MON2: variants seen among roughly 807,000 people sequenced by gnomAD.
The protein encoded by MON2 is protein MON2 homolog.
MON2 carries 84 observed loss-of-function variants against 208.6 expected under a neutral mutation model. The ratio of observed to expected loss-of-function variants is 0.40; its 90% confidence interval spans 0.34 to 0.48. The LOEUF (loss-of-function observed/expected upper bound fraction) is 0.48. MON2 is among the 20% of genes least tolerant of loss of function. MON2 has a pLI of 0.59. For missense variants in MON2, 1,611 were observed against 2,015.4 expected (o/e 0.80, Z 3.84); for synonymous variants, 660 against 694.0 (o/e 0.95, Z 0.77).
rs140297906 is a variant in MON2, at chr12:62,542,254, A to G, written c.2365-843A>G. ...CTGCTAGAAAGGAAGATATTATCAC[A>G]CATTTCCCTGTTAGATTTTTATTAG... is the stretch of plus-strand genomic sequence containing the variant. On this transcript the variant is annotated intron_variant, in intron 19 of 34. Coordinates refer to ENST00000393630, the MANE Select transcript of MON2 (RefSeq NM_015026.3). Among the ~76,000 whole-genome samples the G allele has an allele frequency of 3.8e-3, 578 of 152,344 alleles. 9 individuals carry two copies. The highest frequency in any genetic ancestry group is 0.013 in the African/African-American group (547 of 41,576).
chr12:62,478,485 A>G (rs2069215708), intron 1 of MON2, among the ~76,000 whole-genome samples: 1 of 152,204 alleles, frequency 6.6e-6, no homozygotes, highest in Admixed American at 6.5e-5. Context: ...CTGCACCATA[A>G]GTCTATAGCT....
rs988568452 is a variant in MON2 at position 62,594,094 on chromosome 12, G to C, written c.*1345G>C. The C allele has an allele frequency of 6.6e-6, 1 of 151,888 alleles. No individual in the cohort carries two copies. The highest frequency in any genetic ancestry group is 1.9e-4 in the East Asian group (1 of 5,198). The allele number at this position is 151,888 out of a possible 1,614,324, so 9.4% of individuals were successfully genotyped here. A position where few individuals can be genotyped will look rare whatever the true frequency, so the allele number is the denominator to read the frequency against. On this transcript the variant is annotated 3_prime_UTR_variant, in exon 35 of 35. Coordinates refer to ENST00000393630, the MANE Select transcript of MON2 (RefSeq NM_015026.3). ...ATGGATTACAGTATTTTTCTTCTGA[G>C]TTAAATTTTCATAATTTATGTGAAG...
In MON2 at chr12:62,598,861, T is replaced by C. The variant is rs1489294703; in HGVS notation, c.*6112T>C. On this transcript the variant is annotated 3_prime_UTR_variant, in exon 35 of 35. Transcript: ENST00000393630. Reference sequence around the variant, plus strand: ...GATTGTACAGATTGTTTATTTGTTTTACAGCTAACATTAAGCATGATTCCA... The same window carrying C: ...GATTGTACAGATTGTTTATTTGTTTCACAGCTAACATTAAGCATGATTCCA... The C allele has an allele frequency of 3.9e-5, 6 of 152,216 alleles. No individual in the cohort carries two copies. Among genetic ancestry groups the C allele is most frequent in the Non-Finnish European group, 7.4e-5 (5 of 68,014 alleles). The allele number at this position is 152,216 out of a possible 1,614,324, so 9.4% of individuals were successfully genotyped here.
At chr12:62,578,892 GC>G (rs1210463484) in intron 31 of MON2, among the ~76,000 whole-genome samples, 5 of 152,094 alleles carry the variant, frequency 3.3e-5, no homozygotes, top group Admixed American at 2.0e-4. Context: ...TTTTTAATCA[GC>G]TGTATATACA....
At chr12:62,576,357 T>TG (rs539174072) in intron 30 of MON2, among the ~76,000 whole-genome samples, 5 of 152,046 alleles carry the variant, frequency 3.3e-5, no homozygotes, top group East Asian at 1.9e-4. Context: ...CAGATCTTTT[T>TG]GGGGGGGTGA....
Position 62,526,101 on chromosome 12 carries a change from T to C in MON2, c.1399T>C (p.Tyr467His). ...AGTTCAAGGCAGTGCTAAAGCCACCTAGTAAGTAGTAGCAGCATTATTTTA... is the reference window on the plus strand; with the variant it reads ...AGTTCAAGGCAGTGCTAAAGCCACCCAGTAAGTAGTAGCAGCATTATTTTA... ...ITVQGSAKATYLEMLDKVEPP... is the reference protein window; with the variant it reads ...ITVQGSAKATHLEMLDKVEPP... Residue 467 changes from tyrosine (Y) to histidine (H), a missense_variant and splice_region_variant, in exon 11 of 35, where the codon TAC becomes CAC. Transcript: ENST00000393630. 6.2e-7 allele frequency: 1 copy of C among 1,611,978 alleles called. No homozygotes were observed. Among genetic ancestry groups the C allele is most frequent in the Non-Finnish European group, 8.5e-7 (1 of 1,178,172 alleles).
chr12:62,509,632 A>T (rs1269699010), intron 8 of MON2, among the ~76,000 whole-genome samples: 20 of 152,208 alleles, frequency 1.3e-4, no homozygotes, highest in Admixed American at 1.3e-3. Flanking sequence ...TCAAGGATAG[A>T]GCTTATGTTA....
At chr12:62,526,184 T>A in intron 11 of MON2, 82 bp downstream of exon 11, 1 of 1,328,480 alleles carries the variant, frequency 7.5e-7, no homozygotes, top group Non-Finnish European at 1.1e-6. Flanking sequence ...TATTGTATTT[T>A]AAATTTTAGA....
rs762646981 is a variant in MON2 at position 62,571,544 on chromosome 12, A to G, written c.4476A>G (p.Glu1492=). The G allele has an allele frequency of 5.0e-6, 8 of 1,611,556 alleles. No homozygotes were observed. In the African/African-American group the frequency reaches 9.4e-5, roughly 19 times the overall value. The stretch of plus-strand genomic sequence containing the variant: ...GAAAATTTGACAGTATGTGGCCAGA[A>G]CTAGCCAATACTTTTGAAGATTTTC... The part of the protein sequence containing the change: ...SSGKFDSMWP[E]LANTFEDFLF... Residue 1492 remains glutamate, a synonymous_variant, in exon 30 of 35, where the codon GAA becomes GAG. Coordinates refer to ENST00000393630, the MANE Select transcript of MON2 (RefSeq NM_015026.3).
At position 62,560,788 on chromosome 12, in the gene MON2, A is replaced by G. The variant is rs746238980; in HGVS notation, c.3707A>G (p.Asp1236Gly). The change falls in exon 26 of 35, where the codon GAT becomes GGT. Residue 1236 changes from aspartate to glycine, a missense_variant. Coordinates refer to ENST00000393630, the MANE Select transcript of MON2 (RefSeq NM_015026.3). ...EPPIVTDELE[D>G]LNLWWAAWNT... ...CCCATTGTTACTGATGAGCTTGAAGATTTGAATCTATGGTGGGCTGCGTGG... is the reference window on the plus strand; with the variant it reads ...CCCATTGTTACTGATGAGCTTGAAGGTTTGAATCTATGGTGGGCTGCGTGG... The G allele has an allele frequency of 3.7e-6, 6 of 1,614,120 alleles. No individual in the cohort carries two copies. Among genetic ancestry groups the G allele is most frequent in the Non-Finnish European group, 4.2e-6 (5 of 1,179,986 alleles).
At chr12:62,502,826 A>G (rs1008795304) in intron 7 of MON2, among the ~76,000 whole-genome samples, 2 of 152,172 alleles carry the variant, frequency 1.3e-5, no homozygotes, top group Non-Finnish European at 2.9e-5. Context: ...CTTCCTCCCT[A>G]AGTAATCCAT....
chr12:62,585,350 T>C lies in MON2; in HGVS notation c.4756T>C (p.Leu1586=). ...EEFSKMCFET[L]LQFSFSNKVT... ...ATTTTCTAAAATGTGTTTTGAAACA[T>C]TACTCCAGTTTTCCTTCAGTAATAA... Residue 1586 remains leucine (L), a synonymous_variant, in exon 33 of 35, where the codon TTA becomes CTA. Transcript: ENST00000393630. The C allele has an allele frequency of 1.2e-6, 2 of 1,613,858 alleles. No homozygotes were observed. Among genetic ancestry groups the C allele is most frequent in the South Asian group, 1.1e-5 (1 of 91,080 alleles).
chr12:62,556,059 G>A lies in MON2; in HGVS notation c.3276G>A (p.Glu1092=), dbSNP rs1428876104. ...CCACTGCAGACAAAGAAAAGATTGA[G>A]TCTGGAGGTGGCAATATTCTCATTC... ...SSTTADKEKI[E]SGGGNILIHH... Residue 1092 remains glutamate, a synonymous_variant, in exon 25 of 35, where the codon GAG becomes GAA. Transcript: ENST00000393630. 6.2e-7 allele frequency: 1 copy of A among 1,613,920 alleles called. No homozygotes were observed. The highest frequency in any genetic ancestry group is 1.7e-5 in the Admixed American group (1 of 60,008).
chr12:62,524,527 G>C lies in MON2; in HGVS notation c.997G>C (p.Glu333Gln). 6.2e-7 allele frequency: 1 copy of C among 1,608,762 alleles called. No homozygotes were observed. The highest frequency in any genetic ancestry group is 8.5e-7 in the Non-Finnish European group (1 of 1,175,458). ...CATATATTTTTAGGTAACTGAATGT[G>C]AGATATTTCTGTCACTTCTGGTGAA... is the stretch of plus-strand genomic sequence containing the variant. ...QFYSLLVTECEIFLSLLVKFL... is the reference protein window; with the variant it reads ...QFYSLLVTECQIFLSLLVKFL... Residue 333 changes from glutamate to glutamine, a missense_variant, in exon 9 of 35, where the codon GAG becomes CAG. By Grantham distance (29) the Glu-to-Gln change is conservative (BLOSUM62 2). Transcript: ENST00000393630.
chr12:62,566,172 T>C, intron 28 of MON2, 141 bp downstream of exon 28: 2 of 1,321,688 alleles, frequency 1.5e-6, no homozygotes, highest in Non-Finnish European at 2.1e-6. Context: ...TTTCATGAAG[T>C]ACATATCTCT....
At chr12:62,521,424 A>G (rs1592945177) in intron 8 of MON2, among the ~76,000 whole-genome samples, 1 of 152,218 alleles carries the variant, frequency 6.6e-6, no homozygotes, top group African/African-American at 2.4e-5. Flanking sequence ...CTGCTAAGGC[A>G]CCAGCCATTT....
chr12:62,480,879 A>G (rs917011274), intron 1 of MON2, among the ~76,000 whole-genome samples: 7 of 152,230 alleles, frequency 4.6e-5, no homozygotes, highest in Non-Finnish European at 1.0e-4. Flanking sequence ...TATGCAAGGT[A>G]TATAGGGCCA....
intron 19 of MON2, among the ~76,000 whole-genome samples, chr12:62,539,642 G>T (rs1242830014): frequency 1.3e-5 from 2 of 152,116 alleles, no homozygotes; most frequent in Non-Finnish European, 2.9e-5. Context: ...TTAAAGATTG[G>T]TGAAGAAAGT....
chr12:62,599,059 T>G lies in MON2; in HGVS notation c.*6310T>G, dbSNP rs552436453. 1 of 152,286 alleles carries G rather than the reference T, an allele frequency of 6.6e-6. No individual in the cohort carries two copies. The highest frequency in any genetic ancestry group is 1.9e-4 in the East Asian group (1 of 5,192). The allele number at this position is 152,286 out of a possible 1,614,324, so 9.4% of individuals were successfully genotyped here. ...AACATTATTGACACCCCACATCACTTACTCTGTTTAAAGACTTTACGAGTA... is the reference window on the plus strand; with the variant it reads ...AACATTATTGACACCCCACATCACTGACTCTGTTTAAAGACTTTACGAGTA... On this transcript the variant is annotated 3_prime_UTR_variant, in exon 35 of 35. Transcript: ENST00000393630.
Sources: gnomAD v4.1 joint callset for allele counts (sites outside exome capture counted in the v4.1 genomes callset) on GRCh38, gnomAD v4.1.1 for gene constraint, MANE v1.5 for transcripts, NCBI Gene and HGNC (gene_info 2026-07-23, HGNC 2026-07-21) for gene names.